Variants in DLGAP2 observed in about 807,000 individuals in gnomAD.
The protein encoded by DLGAP2 is DLG associated protein 2.
Under a neutral mutation model 100.3 loss-of-function variants are expected in DLGAP2, and 26 were observed. That is an observed-to-expected ratio of 0.26 (90% CI 0.19 to 0.36). The LOEUF is 0.36. Among genes scored for constraint, DLGAP2 ranks in the 10% least tolerant of loss-of-function variants. DLGAP2 has a pLI of 1.00. For missense variants in DLGAP2, 1,858 were observed against 1,453.2 expected (o/e 1.28, Z -4.53); for synonymous variants, 886 against 630.1 (o/e 1.41, Z -6.08).
intron 2 of DLGAP2, among the ~76,000 whole-genome samples, chr8:996,638 G>A (rs2129017089): frequency 6.6e-6 from 1 of 152,270 alleles, no homozygotes; most frequent in Admixed American, 6.5e-5. Context: ...CTTTGCAGAA[G>A]GTTTTGTCTG....
intron 2 of DLGAP2, among the ~76,000 whole-genome samples, chr8:1,233,186 G>A (rs1023232748): frequency 6.6e-6 from 1 of 152,186 alleles, no homozygotes; most frequent in Non-Finnish European, 1.5e-5. Context: ...GTATTTATCT[G>A]TTTGTCACTC....
intron 2 of DLGAP2, among the ~76,000 whole-genome samples, chr8:1,195,919 C>G (rs1329620915): frequency 5.9e-5 from 9 of 152,184 alleles, no homozygotes; most frequent in African/African-American, 1.9e-4. Context: ...CCACAAAGTG[C>G]AAGAATATTT....
At chr8:1,092,987 G>T (rs1804234855) in intron 2 of DLGAP2, among the ~76,000 whole-genome samples, 1 of 152,182 alleles carries the variant, frequency 6.6e-6, no homozygotes, top group African/African-American at 2.4e-5. Context: ...GGGGGCTGCG[G>T]GTCCGAAATC....
At chr8:1,601,072 T>C (rs1796608636) in intron 6 of DLGAP2, among the ~76,000 whole-genome samples, 1 of 152,224 alleles carries the variant, frequency 6.6e-6, no homozygotes, top group Non-Finnish European at 1.5e-5. Context: ...ACGTCCTTTT[T>C]ATTGATGTTG....
intron 2 of DLGAP2, among the ~76,000 whole-genome samples, chr8:947,033 C>T (rs866653557): frequency 6.6e-6 from 1 of 152,196 alleles, no homozygotes; most frequent in Admixed American, 6.5e-5. Flanking sequence ...GCGGCTGGAA[C>T]GGCTTCAGGC....
intron 10 of DLGAP2, among the ~76,000 whole-genome samples, chr8:1,670,479 C>T (rs900845687): frequency 6.6e-6 from 1 of 152,222 alleles, no homozygotes; most frequent in African/African-American, 2.4e-5. Flanking sequence ...CTCTCTGGAC[C>T]CCAGCCCCAC....
chr8:1,559,183 A>G (rs1344200156), intron 5 of DLGAP2, among the ~76,000 whole-genome samples: 1 of 152,172 alleles, frequency 6.6e-6, no homozygotes. Flanking sequence ...ACAAGGAGGT[A>G]ATTAGGGTAA....
At chr8:808,460 G>A (rs967278037) in intron 1 of DLGAP2, among the ~76,000 whole-genome samples, 1 of 152,198 alleles carries the variant, frequency 6.6e-6, no homozygotes, top group Non-Finnish European at 1.5e-5. Flanking sequence ...GCCCCTGGAA[G>A]GACATTCCAC....
At chr8:1,307,685 C>A (rs1163207365) in intron 3 of DLGAP2, among the ~76,000 whole-genome samples, 1 of 152,134 alleles carries the variant, frequency 6.6e-6, no homozygotes, top group South Asian at 2.1e-4. Context: ...AACATTTAGC[C>A]TTAAAAAGAA....
intron 2 of DLGAP2, among the ~76,000 whole-genome samples, chr8:1,154,443 A>T (rs994324963): frequency 3.3e-5 from 5 of 152,186 alleles, no homozygotes; most frequent in Admixed American, 2.0e-4. Flanking sequence ...GGTGTCACTC[A>T]CTTCTACCGT....
At chr8:789,446 AC>A (rs1821966774) in intron 1 of DLGAP2, among the ~76,000 whole-genome samples, 2 of 152,028 alleles carry the variant, frequency 1.3e-5, no homozygotes, top group African/African-American at 4.8e-5. Context: ...GGGGAAATCC[AC>A]CCCTGTGATC....
chr8:834,563 T>G (rs982349361), intron 1 of DLGAP2, among the ~76,000 whole-genome samples: 13 of 152,172 alleles, frequency 8.5e-5, no homozygotes, highest in African/African-American at 3.1e-4. Context: ...TGTGATTGTT[T>G]TAAGAGTGGT....
At chr8:1,355,573 C>T (rs1337435185) in intron 3 of DLGAP2, among the ~76,000 whole-genome samples, 1 of 152,162 alleles carries the variant, frequency 6.6e-6, no homozygotes, top group Non-Finnish European at 1.5e-5. Context: ...CCATGTTGGT[C>T]AGGCTGGTCT....
intron 3 of DLGAP2, among the ~76,000 whole-genome samples, chr8:1,348,790 C>T (rs112420217): frequency 0.013 from 1,996 of 152,286 alleles, 51 homozygotes; most frequent in African/African-American, 0.044. Flanking sequence ...ATTGTGTATG[C>T]GGTGGAGCGT....
chr8:1,641,277 G>C (rs1251833077), intron 8 of DLGAP2, among the ~76,000 whole-genome samples: 1 of 152,218 alleles, frequency 6.6e-6, no homozygotes, highest in Admixed American at 6.5e-5. Context: ...ATGTAAGCCA[G>C]AATTGCTCGG....
chr8:1,239,532 G>A (rs1798735547), intron 2 of DLGAP2, among the ~76,000 whole-genome samples: 1 of 108,774 alleles, frequency 9.2e-6, no homozygotes, highest in Non-Finnish European at 1.8e-5. Flanking sequence ...ATGGTGCCGT[G>A]TCTAGTTCTC....
intron 4 of DLGAP2, among the ~76,000 whole-genome samples, chr8:1,526,132 G>A (rs987967641): frequency 4.6e-5 from 7 of 151,112 alleles, no homozygotes; most frequent in African/African-American, 1.5e-4. Context: ...AATGCTGTGA[G>A]CGCTTCTCAG....
intron 2 of DLGAP2, among the ~76,000 whole-genome samples, chr8:1,174,241 T>TA (rs1411307624): frequency 6.6e-6 from 1 of 152,028 alleles, no homozygotes; most frequent in Non-Finnish European, 1.5e-5. Context: ...GGGAATGTGA[T>TA]AAGTCTACCC....
intron 2 of DLGAP2, among the ~76,000 whole-genome samples, chr8:1,097,999 C>A (rs1275533317): frequency 6.6e-6 from 1 of 152,260 alleles, no homozygotes; most frequent in Non-Finnish European, 1.5e-5. Context: ...GAACCCCAGC[C>A]GCATGGCCTT....
Sources: allele counts gnomAD v4.1 joint callset (sites outside exome capture counted in the v4.1 genomes callset), GRCh38; gene constraint gnomAD v4.1.1; transcripts MANE v1.5; gene names NCBI Gene and HGNC (gene_info 2026-07-23, HGNC 2026-07-21).